UFD1: variants seen among roughly 807,000 people sequenced by gnomAD.
The protein encoded by UFD1 is ubiquitin recognition factor in ER-associated degradation protein 1.
In UFD1, 13 loss-of-function variants were observed where a neutral mutation model predicts 45.9. The ratio of observed to expected loss-of-function variants is 0.28; its 90% confidence interval spans 0.18 to 0.45. UFD1 has a LOEUF of 0.45. UFD1 is among the 20% of genes least tolerant of loss of function. The pLI is 1.00. For synonymous variants in UFD1, 128 were observed against 139.2 expected, an observed-to-expected ratio of 0.92 and a Z score of 0.56; for missense variants, 218 against 389.2, an observed-to-expected ratio of 0.56 and a Z score of 3.70.
intron 9 of UFD1, 139 bp from the exon 10 acceptor site, chr22:19,455,907 C>T: frequency 1.4e-6 from 1 of 739,348 alleles, no homozygotes; most frequent in Non-Finnish European, 2.3e-6. Flanking sequence ...TCCTCAACTG[C>T]TGGGGTGCTG....
At chr22:19,466,812 A>C (rs1310305418) in intron 5 of UFD1, 2 of 152,288 alleles carry the variant, frequency 1.3e-5, no homozygotes, top group African/African-American at 4.8e-5. Context: ...CCTGAGCAGC[A>C]GAGTGAGACT....
At chr22:19,455,623 C>A in intron 10 of UFD1, 57 bp downstream of exon 10, 1 of 1,566,936 alleles carries the variant, frequency 6.4e-7, no homozygotes, top group Non-Finnish European at 8.7e-7. Context: ...CTGCCCGACC[C>A]CAGCGGGCTG....
intron 4 of UFD1, among the ~76,000 whole-genome samples, chr22:19,468,794 C>G (rs2089822984): frequency 6.6e-6 from 1 of 152,200 alleles, no homozygotes. Context: ...AGCACTACCT[C>G]ACACCCAGTC....
chr22:19,459,116 C>T (rs2089745449), intron 6 of UFD1, among the ~76,000 whole-genome samples: 2 of 152,132 alleles, frequency 1.3e-5, no homozygotes, highest in African/African-American at 4.8e-5. Flanking sequence ...ATGTTTGCAT[C>T]ATAATAAAGT....
chr22:19,454,001 G>A, intron 11 of UFD1: 1 of 985,718 alleles, frequency 1.0e-6, no homozygotes, highest in Non-Finnish European at 1.2e-6. Flanking sequence ...TTCCCACAAA[G>A]TGCCCATGTC....
chr22:19,454,276 G>A (rs2089705310), intron 11 of UFD1: 5 of 997,680 alleles, frequency 5.0e-6, no homozygotes, highest in Admixed American at 5.6e-5. Flanking sequence ...CCTAGGAAAG[G>A]GAAAACATGA....
rs531417225 is a variant in UFD1 at position 19,479,178 on chromosome 22, C to A, written c.-93G>T. The A allele has an allele frequency of 3.6e-5, 57 of 1,575,328 alleles. No individual in the cohort carries two copies. In the East Asian group the frequency reaches 8.0e-4, roughly 22 times the overall value. On this transcript the variant is annotated 5_prime_UTR_variant, in exon 1 of 12. Transcript: ENST00000263202. ...TCCCAGCCGCCGCTGCCGCTGCCGCCGCGCCAAGCCGGTACGCCCCAGAGG... is the reference window on the plus strand; with the variant it reads ...TCCCAGCCGCCGCTGCCGCTGCCGCAGCGCCAAGCCGGTACGCCCCAGAGG...
intron 6 of UFD1, among the ~76,000 whole-genome samples, chr22:19,459,773 C>G (rs1264718137): frequency 1.6e-5 from 2 of 127,122 alleles, no homozygotes; most frequent in Non-Finnish European, 3.2e-5. Context: ...GAGGCTCGCT[C>G]TGGCACCCAA....
chr22:19,461,360 C>A (rs1277780925), intron 6 of UFD1, among the ~76,000 whole-genome samples: 1 of 152,162 alleles, frequency 6.6e-6, no homozygotes, highest in Non-Finnish European at 1.5e-5. Context: ...ATCTCCTTTG[C>A]CTGGTGACAT....
At chr22:19,470,799 C>T (rs375601690) in intron 4 of UFD1, 29 of 469,810 alleles carry the variant, frequency 6.2e-5, no homozygotes, top group African/African-American at 9.9e-5. Flanking sequence ...CCCTTCTGAA[C>T]GTCTGGCGGC....
intron 3 of UFD1, among the ~76,000 whole-genome samples, chr22:19,472,550 G>C (rs765894698): frequency 6.6e-6 from 1 of 152,202 alleles, no homozygotes. Flanking sequence ...GACTGGTGAC[G>C]TGCTGACCCA....
chr22:19,451,410 G>A (rs1401546493), intron 11 of UFD1: 2 of 985,142 alleles, frequency 2.0e-6, no homozygotes, highest in African/African-American at 1.7e-5. Flanking sequence ...GTCAAAGTGT[G>A]TACACACTTT....
At chr22:19,478,191 C>G (rs1405840237) in intron 1 of UFD1, among the ~76,000 whole-genome samples, 1 of 152,074 alleles carries the variant, frequency 6.6e-6, no homozygotes, top group Non-Finnish European at 1.5e-5. Context: ...TCTCACTTTC[C>G]TTTTCAATCC....
intron 1 of UFD1, among the ~76,000 whole-genome samples, chr22:19,476,466 T>C (rs1313710139): frequency 1.3e-5 from 2 of 152,104 alleles, no homozygotes; most frequent in East Asian, 3.9e-4. Flanking sequence ...AGCTAAAACA[T>C]GATGCCATTA....
chr22:19,478,994 C>A, intron 1 of UFD1, 89 bp downstream of exon 1: 1 of 1,499,928 alleles, frequency 6.7e-7, no homozygotes. Flanking sequence ...GGCACCTCCG[C>A]CGCCGTCCCG....
At chr22:19,454,038 T>C in intron 11 of UFD1, 1 of 985,696 alleles carries the variant, frequency 1.0e-6, no homozygotes, top group Non-Finnish European at 1.2e-6. Context: ...CTTGCCTTCC[T>C]CTGTCCCGCC....
chr22:19,478,722 GC>G (rs5844387), intron 1 of UFD1: 345,444 of 345,448 alleles, frequency 1, 172,720 homozygotes, highest in Middle Eastern at 1. Context: ...CCTGGGGAGC[GC>G]CCTGATTCTG....
In UFD1 at chr22:19,455,720, C is replaced by G. The variant is rs1191434039; in HGVS notation, c.727G>C (p.Glu243Gln). The G allele has an allele frequency of 3.1e-6, 5 of 1,613,988 alleles. No homozygotes were observed. The highest frequency in any genetic ancestry group is 4.2e-6 in the Non-Finnish European group (5 of 1,179,974). ...GGCTTGATTGGGGAGGGGCTGGGCT[C>G]TACCCCTTTCTTCTTTCCATCCAGT... is the stretch of plus-strand genomic sequence containing the variant. ...NRLDGKKKGVEPSPSPIKPGD... is the reference protein window; with the variant it reads ...NRLDGKKKGVQPSPSPIKPGD... Residue 243 changes from glutamate to glutamine, a missense_variant, in exon 10 of 12, where the codon GAG (glutamate) becomes CAG (glutamine). Glu to Gln is a conservative substitution (Grantham distance 29). This residue lies in a region of UFD1 where 69 missense variants were observed against 81.7 expected (regional missense o/e 0.84). Transcript: ENST00000263202.
Position 19,468,705 on chromosome 22 carries a change from A to G in UFD1, c.292-702T>C, listed in dbSNP as rs186532698. 7.2e-4 allele frequency among the ~76,000 whole-genome samples: 110 copies of G among 152,284 alleles called. No individual in the cohort carries two copies. The East Asian group carries it at 0.013, about 19-fold the overall frequency. ...GGTGTCAGACATATACATCAGTAGA[A>G]AGAGCCGTAGAAGAGAGCTCCCACG... On this transcript the variant is annotated intron_variant, in intron 4 of 11. Coordinates refer to ENST00000263202, the MANE Select transcript of UFD1 (RefSeq NM_005659.7).
Sources: allele counts gnomAD v4.1 joint callset (sites outside exome capture counted in the v4.1 genomes callset), GRCh38; gene constraint gnomAD v4.1.1; regional missense constraint gnomAD v4.1.1; transcripts MANE v1.5; gene names NCBI Gene and HGNC (gene_info 2026-07-23, HGNC 2026-07-21).